The following ADGRB3 variants were observed in gnomAD, a reference collection of about 807,000 sequenced individuals.
ADGRB3 encodes the protein brain-specific angiogenesis inhibitor 3.
In ADGRB3, 37 loss-of-function variants were observed where a neutral mutation model predicts 193.4. The observed-to-expected ratio is 0.19, with a 90% confidence interval of 0.15 to 0.25. ADGRB3 has a LOEUF of 0.25. Ranked by LOEUF, ADGRB3 falls within the 10% of genes least tolerant of loss-of-function variation. The pLI, the probability that ADGRB3 is intolerant of heterozygous loss-of-function variation, is 1.00. For missense variants in ADGRB3, 1,637 were observed against 1,852.9 expected (o/e 0.88, Z 2.14); for synonymous variants, 690 against 644.2 (o/e 1.07, Z -1.08).
intron 3 of ADGRB3, among the ~76,000 whole-genome samples, chr6:68,878,644 AG>A (rs1216619340): frequency 1.3e-5 from 2 of 152,196 alleles, no homozygotes; most frequent in African/African-American, 4.8e-5. Context: ...AGTATCCAAA[AG>A]TATGGGTACT....
intron 10 of ADGRB3, among the ~76,000 whole-genome samples, chr6:68,975,887 A>G (rs539231536): frequency 1.3e-5 from 2 of 152,302 alleles, no homozygotes; most frequent in South Asian, 2.1e-4. Context: ...TTTCCCACAT[A>G]TCATTGACTT....
chr6:68,994,299 G>A (rs1769324277), intron 11 of ADGRB3, among the ~76,000 whole-genome samples: 1 of 152,088 alleles, frequency 6.6e-6, no homozygotes, highest in African/African-American at 2.4e-5. Context: ...TGACATAGGA[G>A]ACTATTAAAA....
At chr6:68,739,221 G>A (rs561753940) in intron 3 of ADGRB3, among the ~76,000 whole-genome samples, 2 of 152,226 alleles carry the variant, frequency 1.3e-5, no homozygotes, top group East Asian at 1.9e-4. Context: ...GGGTAAATAC[G>A]AAGAAAGGGA....
At chr6:68,736,284 CT>C (rs1252639299) in intron 3 of ADGRB3, among the ~76,000 whole-genome samples, 7 of 152,114 alleles carry the variant, frequency 4.6e-5, no homozygotes, top group African/African-American at 1.4e-4. Flanking sequence ...CTCTCCAGTG[CT>C]AGAACTAGAG....
At chr6:68,799,845 T>C (rs1767278876) in intron 3 of ADGRB3, among the ~76,000 whole-genome samples, 3 of 152,114 alleles carry the variant, frequency 2.0e-5, no homozygotes, top group Admixed American at 6.6e-5. Context: ...GGAATAATCT[T>C]AGCATGCAGT....
intron 3 of ADGRB3, among the ~76,000 whole-genome samples, chr6:68,707,584 A>G (rs768592585): frequency 6.6e-6 from 1 of 152,192 alleles, no homozygotes; most frequent in Non-Finnish European, 1.5e-5. Context: ...ATTAAAATAC[A>G]GTTTTCTGTA....
chr6:68,866,536 C>A (rs1414264452), intron 3 of ADGRB3, among the ~76,000 whole-genome samples: 1 of 152,188 alleles, frequency 6.6e-6, no homozygotes, highest in Middle Eastern at 3.4e-3. Flanking sequence ...TATAAAGATA[C>A]CTCAAAATGT....
At chr6:69,252,516 A>T (rs1446744300) in intron 20 of ADGRB3, among the ~76,000 whole-genome samples, 4 of 152,146 alleles carry the variant, frequency 2.6e-5, no homozygotes, top group African/African-American at 9.6e-5. Flanking sequence ...TGGTCATACC[A>T]CTTTGTACTC....
intron 3 of ADGRB3, among the ~76,000 whole-genome samples, chr6:68,738,315 T>G (rs1179952891): frequency 1.3e-5 from 2 of 152,116 alleles, no homozygotes; most frequent in African/African-American, 2.4e-5. Flanking sequence ...GTATGAGGAC[T>G]TTGGCTGTCT....
chr6:68,754,646 G>A (rs1766265010), intron 3 of ADGRB3, among the ~76,000 whole-genome samples: 1 of 152,006 alleles, frequency 6.6e-6, no homozygotes, highest in African/African-American at 2.4e-5. Flanking sequence ...TGTAGATTCT[G>A]AGCTCAGAAA....
At chr6:68,803,504 C>T (rs1478596298) in intron 3 of ADGRB3, among the ~76,000 whole-genome samples, 2 of 152,130 alleles carry the variant, frequency 1.3e-5, no homozygotes, top group African/African-American at 4.8e-5. Context: ...TCCTCTCCCA[C>T]AAAGAAGTAT....
intron 17 of ADGRB3, among the ~76,000 whole-genome samples, chr6:69,217,828 G>T (rs922010063): frequency 1.3e-5 from 2 of 152,124 alleles, no homozygotes; most frequent in African/African-American, 4.8e-5. Context: ...CTGAGAGTGA[G>T]ATGTGAACTG....
intron 3 of ADGRB3, among the ~76,000 whole-genome samples, chr6:68,760,762 G>A (rs560409211): frequency 1.3e-4 from 20 of 152,204 alleles, no homozygotes; most frequent in Middle Eastern, 3.4e-3. Context: ...TCAGCAAAAC[G>A]TCACTGGGTA....
chr6:68,780,315 C>T (rs779902878), intron 3 of ADGRB3, among the ~76,000 whole-genome samples: 71 of 151,972 alleles, frequency 4.7e-4, no homozygotes, highest in Non-Finnish European at 7.8e-4. Context: ...TTCATAGATA[C>T]GTTGTTTGTT....
At chr6:69,291,963 C>G (rs1767694133) in intron 20 of ADGRB3, among the ~76,000 whole-genome samples, 2 of 152,060 alleles carry the variant, frequency 1.3e-5, no homozygotes, top group African/African-American at 4.8e-5. Context: ...ATCCTTATCC[C>G]TGAAGATGAA....
At chr6:69,201,665 T>C (rs1047088670) in intron 17 of ADGRB3, among the ~76,000 whole-genome samples, 7 of 152,100 alleles carry the variant, frequency 4.6e-5, no homozygotes, top group African/African-American at 1.7e-4. Context: ...GCATCACTGC[T>C]CTCTTGTCTG....
intron 3 of ADGRB3, among the ~76,000 whole-genome samples, chr6:68,700,602 C>T (rs1765227060): frequency 6.6e-6 from 1 of 151,858 alleles, no homozygotes. Context: ...ATAGAAAAGA[C>T]AAATAGAAAC....
chr6:68,797,664 C>G (rs1767236982), intron 3 of ADGRB3, among the ~76,000 whole-genome samples: 1 of 152,156 alleles, frequency 6.6e-6, no homozygotes. Flanking sequence ...CTTCCAGCTT[C>G]TGGTCTAGGG....
chr6:69,232,702 C>A, intron 17 of ADGRB3: 2 of 1,310,896 alleles, frequency 1.5e-6, no homozygotes, highest in Non-Finnish European at 2.1e-6. Context: ...GCCGCTGCTG[C>A]TGCTTCCCGT....
Sources: gnomAD v4.1 joint callset for allele counts (sites outside exome capture counted in the v4.1 genomes callset) on GRCh38, gnomAD v4.1.1 for gene constraint, MANE v1.5 for transcripts, NCBI Gene and HGNC (gene_info 2026-07-23, HGNC 2026-07-21) for gene names.